The following TNFAIP8 variants were observed in gnomAD, a reference collection of about 807,000 sequenced individuals.
TNFAIP8 encodes the protein TNF alpha induced protein 8, also known as tumor necrosis factor alpha-induced protein 8.
In TNFAIP8, 7 loss-of-function variants were observed where a neutral mutation model predicts 13.3. That is an observed-to-expected ratio of 0.52 (90% confidence interval 0.30 to 0.99). TNFAIP8 has a LOEUF of 0.99. TNFAIP8 is among the 50% of genes least tolerant of loss of function. The pLI, the probability that TNFAIP8 is intolerant of heterozygous loss-of-function variation, is 0.07. For missense variants in TNFAIP8, 258 were observed against 236.9 expected (o/e 1.09, Z -0.58); for synonymous variants, 94 against 87.6 (o/e 1.07, Z -0.41).
At chr5:119,280,448 A>C (rs1748594771) in intron 1 of TNFAIP8, among the ~76,000 whole-genome samples, 1 of 151,740 alleles carries the variant, frequency 6.6e-6, no homozygotes, top group African/African-American at 2.4e-5. Flanking sequence ...TAATTTGTAG[A>C]GTTTCCCACA....
chr5:119,275,260 G>T (rs1748405306), intron 1 of TNFAIP8, among the ~76,000 whole-genome samples: 1 of 152,136 alleles, frequency 6.6e-6, no homozygotes, highest in African/African-American at 2.4e-5. Context: ...CCCACAAATA[G>T]ATCCAGAAAT....
chr5:119,358,402 G>C (rs1751517150), intron 1 of TNFAIP8, among the ~76,000 whole-genome samples: 1 of 152,114 alleles, frequency 6.6e-6, no homozygotes, highest in African/African-American at 2.4e-5. Flanking sequence ...TGTGCCAGGG[G>C]TGCTGGATAT....
intron 1 of TNFAIP8, among the ~76,000 whole-genome samples, chr5:119,343,273 G>C (rs250300): frequency 6.6e-6 from 1 of 152,200 alleles, no homozygotes; most frequent in Non-Finnish European, 1.5e-5. Context: ...AAGGAAGTGC[G>C]TCCATTCTGT....
intron 1 of TNFAIP8, among the ~76,000 whole-genome samples, chr5:119,283,272 A>T (rs1169709808): frequency 6.6e-6 from 1 of 152,212 alleles, no homozygotes; most frequent in Non-Finnish European, 1.5e-5. Context: ...AATAATAGGA[A>T]AAAAACAATC....
intron 1 of TNFAIP8, among the ~76,000 whole-genome samples, chr5:119,366,312 C>A (rs891544328): frequency 6.6e-6 from 1 of 151,984 alleles, no homozygotes; most frequent in Non-Finnish European, 1.5e-5. Flanking sequence ...AAGCACTGTG[C>A]AGACTTGGAG....
intron 1 of TNFAIP8, among the ~76,000 whole-genome samples, chr5:119,301,836 C>A (rs1430189672): frequency 6.6e-6 from 1 of 152,176 alleles, no homozygotes; most frequent in African/African-American, 2.4e-5. Flanking sequence ...CAAGTGCCAA[C>A]CCAGATACTG....
At chr5:119,377,578 G>C (rs1265958894) in intron 1 of TNFAIP8, among the ~76,000 whole-genome samples, 1 of 152,076 alleles carries the variant, frequency 6.6e-6, no homozygotes, top group Non-Finnish European at 1.5e-5. Flanking sequence ...CCACCGCTCT[G>C]TGACTTAGTT....
intron 1 of TNFAIP8, among the ~76,000 whole-genome samples, chr5:119,317,025 A>C (rs1561997839): frequency 6.6e-6 from 1 of 152,236 alleles, no homozygotes. Flanking sequence ...TGCCAGAGCA[A>C]TGTATATGCC....
chr5:119,375,809 T>C (rs1343316967), intron 1 of TNFAIP8, among the ~76,000 whole-genome samples: 1 of 152,216 alleles, frequency 6.6e-6, no homozygotes, highest in Admixed American at 6.5e-5. Context: ...ATTATATCCT[T>C]AGTTAATCTT....
At chr5:119,303,465 C>A (rs79254350) in intron 1 of TNFAIP8, among the ~76,000 whole-genome samples, 2,653 of 152,216 alleles carry the variant, frequency 0.017, 40 homozygotes, top group Middle Eastern at 0.071. Context: ...ACCTGTGCCT[C>A]TTGTGGGTCA....
intron 1 of TNFAIP8, among the ~76,000 whole-genome samples, chr5:119,377,912 A>C (rs1393182183): frequency 6.6e-6 from 1 of 152,162 alleles, no homozygotes; most frequent in African/African-American, 2.4e-5. Context: ...TGCCTACAGA[A>C]CCCAGGAAAT....
intron 1 of TNFAIP8, among the ~76,000 whole-genome samples, chr5:119,318,192 A>G (rs1480075972): frequency 1.3e-5 from 2 of 151,976 alleles, no homozygotes; most frequent in Non-Finnish European, 2.9e-5. Flanking sequence ...TTTGCAGGTG[A>G]TTGATTGACA....
intron 1 of TNFAIP8, among the ~76,000 whole-genome samples, chr5:119,271,952 G>A (rs945861439): frequency 1.3e-5 from 2 of 152,158 alleles, no homozygotes; most frequent in South Asian, 2.1e-4. Flanking sequence ...TTTGATGACT[G>A]TGGCCCTGGA....
intron 1 of TNFAIP8, among the ~76,000 whole-genome samples, chr5:119,320,944 C>T (rs528153936): frequency 1.6e-4 from 25 of 152,092 alleles, no homozygotes; most frequent in African/African-American, 6.0e-4. Context: ...TGGCTGGGCA[C>T]GGTGGCTCAT....
intron 1 of TNFAIP8, among the ~76,000 whole-genome samples, chr5:119,350,184 A>G (rs373815663): frequency 1.3e-4 from 20 of 152,310 alleles, no homozygotes; most frequent in East Asian, 3.9e-4. Flanking sequence ...TGTGGATTCA[A>G]TCAACAGCAG....
rs530556315 is a variant in TNFAIP8 at position 119,282,148 on chromosome 5, C to T, written c.1+13241C>T. 1.8e-3 allele frequency among the ~76,000 whole-genome samples: 281 copies of T among 152,240 alleles called. 1 individual carries two copies. Among genetic ancestry groups the T allele is most frequent in the African/African-American group, 6.5e-3 (270 of 41,536 alleles). ...CTGTAACTAGTGAGCTGTTATGTTACCAAATCTGAGTGTGTGACTTGGTCA... is the reference window on the plus strand; with the variant it reads ...CTGTAACTAGTGAGCTGTTATGTTATCAAATCTGAGTGTGTGACTTGGTCA... On this transcript the variant is annotated intron_variant, in intron 1 of 1. Transcript: ENST00000274456.
intron 1 of TNFAIP8, among the ~76,000 whole-genome samples, chr5:119,338,209 C>CACA (rs1554172677): frequency 1.5e-5 from 2 of 137,506 alleles, no homozygotes; most frequent in Non-Finnish European, 3.0e-5. Context: ...CACACACACA[C>CACA]ACCTTCTCAG....
intron 1 of TNFAIP8, among the ~76,000 whole-genome samples, chr5:119,301,850 A>T (rs17145112): frequency 6.6e-6 from 1 of 152,342 alleles, no homozygotes; most frequent in East Asian, 1.9e-4. Flanking sequence ...GATACTGAGG[A>T]TATTCCCACT....
intron 1 of TNFAIP8, among the ~76,000 whole-genome samples, chr5:119,280,989 A>T (rs1423605815): frequency 6.6e-6 from 1 of 151,810 alleles, no homozygotes; most frequent in Admixed American, 6.6e-5. Flanking sequence ...TTTTACTGAG[A>T]CTCAAATTGT....
Sources: allele counts gnomAD v4.1 joint callset (sites outside exome capture counted in the v4.1 genomes callset), GRCh38; gene constraint gnomAD v4.1.1; transcripts MANE v1.5; gene names NCBI Gene and HGNC (gene_info 2026-07-23, HGNC 2026-07-21).